The following NSUN7 variants were observed in gnomAD, a reference collection of about 807,000 sequenced individuals.
The protein encoded by NSUN7 is protein NSUN7.
Under a neutral mutation model 58.5 loss-of-function variants are expected in NSUN7, and 39 were observed. The observed-to-expected ratio is 0.67, with a 90% CI of 0.52 to 0.87. NSUN7 has a LOEUF of 0.87. Among genes scored for constraint, NSUN7 ranks in the 40% least tolerant of loss-of-function variants. The probability of loss-of-function intolerance (pLI) is 0.00; values close to 1 mark genes in which losing one functional copy is unlikely to be tolerated. For missense variants in NSUN7, 765 were observed against 844.1 expected, an observed-to-expected ratio of 0.91 and a Z score of 1.16; for synonymous variants, 278 against 303.7, an observed-to-expected ratio of 0.92 and a Z score of 0.88.
Position 40,750,071 on chromosome 4 carries a change from CA to C in NSUN7, c.-320del, listed in dbSNP as rs1398598455. 1 of 152,436 alleles carries C rather than the reference CA, an allele frequency of 6.6e-6. No individual in the cohort carries two copies. Among genetic ancestry groups the C allele is most frequent in the Non-Finnish European group, 1.5e-5 (1 of 68,216 alleles). The allele number at this position is 152,436 out of a possible 1,614,324, so 9.4% of individuals were successfully genotyped here. The stretch of plus-strand genomic sequence containing the variant: ...TCCGCGAAGGCCTCACGCGCGAGGC[CA>C]GGCGAGGCCCCGAGGCGCCCACCAC... On this transcript the variant is annotated 5_prime_UTR_variant, in exon 1 of 12. Transcript: ENST00000381782.
intron 4 of NSUN7, among the ~76,000 whole-genome samples, chr4:40,765,753 T>A (rs1741694142): frequency 6.6e-6 from 1 of 152,204 alleles, no homozygotes. Flanking sequence ...CTCTTTTATT[T>A]CATTGAGCAG....
At chr4:40,752,864 T>G (rs1347189243) in intron 2 of NSUN7, among the ~76,000 whole-genome samples, 1 of 8,834 alleles carries the variant, frequency 1.1e-4, no homozygotes, top group East Asian at 6.7e-4. Flanking sequence ...TCAGTAATTT[T>G]TCTTTTCCTT....
intron 11 of NSUN7, among the ~76,000 whole-genome samples, chr4:40,808,029 C>CAAAAAA (rs397878278): frequency 6.7e-5 from 4 of 60,150 alleles, no homozygotes; most frequent in African/African-American, 6.2e-5. Context: ...GACTCCATCT[C>CAAAAAA]AAAAAAAAAA....
chr4:40,785,696 C>T (rs1332035461), intron 7 of NSUN7, among the ~76,000 whole-genome samples: 1 of 152,068 alleles, frequency 6.6e-6, no homozygotes, highest in African/African-American at 2.4e-5. Context: ...AATAATTTAT[C>T]AGTTATAAAA....
At chr4:40,784,919 A>G (rs573105527) in intron 7 of NSUN7, among the ~76,000 whole-genome samples, 11 of 152,378 alleles carry the variant, frequency 7.2e-5, no homozygotes, top group African/African-American at 2.6e-4. Flanking sequence ...TAACCAAGCT[A>G]ACATATGTAG....
rs1030550517 is a variant in NSUN7 at position 40,790,877 on chromosome 4, T to C, written c.1180+132T>C. The C allele has an allele frequency of 1.6e-5, 11 of 681,294 alleles. No individual in the cohort carries two copies. In the African/African-American group the frequency reaches 1.8e-4, roughly 11 times the overall value. 42.2% of individuals were successfully genotyped at this position (681,294 alleles called of 1,614,324 possible). A position where few individuals can be genotyped will look rare whatever the true frequency, so the allele number is the denominator to read the frequency against. On this transcript the variant is annotated intron_variant, in intron 8 of 11. Transcript: ENST00000381782. ...TAGCAACCACATATAAAGTACTTAC[T>C]ATGTATAAAGTCCTTTACCTCTGTT...
At chr4:40,754,756 G>A (rs1186501029) in intron 2 of NSUN7, among the ~76,000 whole-genome samples, 1 of 152,146 alleles carries the variant, frequency 6.6e-6, no homozygotes, top group African/African-American at 2.4e-5. Context: ...TAAGGAGTAG[G>A]AGAAGAAAAA....
intron 4 of NSUN7, among the ~76,000 whole-genome samples, chr4:40,767,830 C>A (rs1036669385): frequency 6.6e-6 from 1 of 152,070 alleles, no homozygotes; most frequent in African/African-American, 2.4e-5. Context: ...TCATTTTTTT[C>A]CTCTGCACAT....
intron 9 of NSUN7, 48 bp from the exon 10 acceptor site, chr4:40,798,739 G>T: frequency 9.5e-7 from 1 of 1,056,870 alleles, no homozygotes; most frequent in Non-Finnish European, 1.4e-6. Context: ...CATTTGTATA[G>T]GATTGTTAAT....
At chr4:40,765,877 C>CT (rs1255405676) in intron 4 of NSUN7, among the ~76,000 whole-genome samples, 1 of 152,140 alleles carries the variant, frequency 6.6e-6, no homozygotes, top group Non-Finnish European at 1.5e-5. Flanking sequence ...ATTTGGCTCT[C>CT]TGTTTGTCTG....
intron 2 of NSUN7, among the ~76,000 whole-genome samples, chr4:40,758,717 A>G (rs183638022): frequency 1.4e-4 from 21 of 152,040 alleles, no homozygotes; most frequent in Admixed American, 1.4e-3. Context: ...AAACAATAAA[A>G]AAATAAAAAA....
chr4:40,777,522 G>T (rs1279318262), intron 7 of NSUN7, among the ~76,000 whole-genome samples: 1 of 151,872 alleles, frequency 6.6e-6, no homozygotes, highest in Non-Finnish European at 1.5e-5. Context: ...CACCATGTTG[G>T]CCAGGCTGGT....
intron 10 of NSUN7, among the ~76,000 whole-genome samples, chr4:40,803,237 C>T (rs1743667367): frequency 6.6e-6 from 1 of 152,068 alleles, no homozygotes; most frequent in Admixed American, 6.6e-5. Flanking sequence ...ACTAGTGCCG[C>T]AATAAACATA....
chr4:40,777,451 A>T (rs954938144), intron 7 of NSUN7, among the ~76,000 whole-genome samples: 3 of 151,980 alleles, frequency 2.0e-5, no homozygotes, highest in African/African-American at 7.3e-5. Flanking sequence ...CTCCTGCCTC[A>T]ACCTCCTGAG....
intron 7 of NSUN7, chr4:40,786,310 A>G (rs1742822387): frequency 6.2e-7 from 1 of 1,612,762 alleles, no homozygotes; most frequent in Admixed American, 1.7e-5. Flanking sequence ...GGGAAATTCT[A>G]AAACAGTCAC....
rs143710896 is a variant in NSUN7, at chr4:40,758,135, G to A, written c.299-2299G>A. Among the ~76,000 whole-genome samples the A allele has an allele frequency of 3.7e-4, 56 of 152,112 alleles. No homozygotes were observed. The East Asian group carries it at 9.1e-3, about 25-fold the overall frequency. ...GGGTTTCACCATGTTAGCCAGGCTG[G>A]CCTTGAACTCCTGACCTCAGGTGAT... On this transcript the variant is annotated intron_variant, in intron 2 of 11. Coordinates refer to ENST00000381782, the MANE Select transcript of NSUN7 (RefSeq NM_024677.6).
At chr4:40,776,584 T>C (rs1577561745) in intron 7 of NSUN7, 1 of 200,184 alleles carries the variant, frequency 5.0e-6, no homozygotes, top group East Asian at 1.4e-4. Flanking sequence ...AATAAGTGCT[T>C]AAGTGACAAA....
intron 7 of NSUN7, among the ~76,000 whole-genome samples, chr4:40,783,962 C>T (rs1014931675): frequency 6.6e-6 from 1 of 151,998 alleles, no homozygotes; most frequent in Non-Finnish European, 1.5e-5. Flanking sequence ...AGACAAGTAG[C>T]CCAACTTAGA....
intron 4 of NSUN7, among the ~76,000 whole-genome samples, chr4:40,761,765 T>C (rs1057176678): frequency 4.6e-5 from 7 of 152,232 alleles, no homozygotes; most frequent in Non-Finnish European, 1.0e-4. Context: ...GTTTTCTTTT[T>C]ATCCTAAATA....
Sources: gnomAD v4.1 joint callset for allele counts (sites outside exome capture counted in the v4.1 genomes callset) on GRCh38, gnomAD v4.1.1 for gene constraint, MANE v1.5 for transcripts, NCBI Gene and HGNC (gene_info 2026-07-23, HGNC 2026-07-21) for gene names.